Variants in ZNF33B observed in about 807,000 individuals in gnomAD.
ZNF33B encodes zinc finger protein 11b (KOX 2).
In ZNF33B, 29 loss-of-function variants were observed where a neutral mutation model predicts 45.8. The observed-to-expected ratio is 0.63, with a 90% confidence interval of 0.47 to 0.86. ZNF33B has a LOEUF of 0.86. Among genes scored for constraint, ZNF33B ranks in the 40% least tolerant of loss-of-function variants. ZNF33B has a pLI of 0.00. For synonymous variants in ZNF33B, 305 were observed against 307.8 expected, an observed-to-expected ratio of 0.99 and a Z score of 0.10; for missense variants, 831 against 909.9, an observed-to-expected ratio of 0.91 and a Z score of 1.12.
intron 4 of ZNF33B, among the ~76,000 whole-genome samples, chr10:42,616,256 AG>A (rs1247939485): frequency 1.3e-5 from 2 of 152,172 alleles, no homozygotes; most frequent in Non-Finnish European, 2.9e-5. Context: ...AAAATTTGTC[AG>A]GAAGGTTGCA....
In ZNF33B at chr10:42,612,233, ATTTTTTTTTTT is replaced by A. The variant is rs59259404; in HGVS notation, c.251-17545_251-17535del. On this transcript the variant is annotated intron_variant, in intron 4 of 4. Transcript: ENST00000359467. ...TTGACGTGGCAGGTTACAGAAGTTG[ATTTTTTTTTTT>A]TTTTTTTTTGAGACAGAGTCTTGCT... Among the ~76,000 whole-genome samples the A allele has an allele frequency of 2.5e-5, 3 of 119,338 alleles. No homozygotes were observed. In the South Asian group the frequency reaches 8.7e-4, roughly 35 times the overall value. 78.3% of individuals were successfully genotyped at this position (119,338 alleles called of 152,430 possible).
chr10:42,614,062 T>C (rs567526155), intron 4 of ZNF33B, among the ~76,000 whole-genome samples: 18 of 152,234 alleles, frequency 1.2e-4, no homozygotes, highest in East Asian at 5.8e-4. Flanking sequence ...ATATGGAAAA[T>C]AGGAAGAAGA....
At chr10:42,579,146 C>G (rs1343384210) in intron 1 of ZNF33B, among the ~76,000 whole-genome samples, 1 of 152,154 alleles carries the variant, frequency 6.6e-6, no homozygotes, top group Admixed American at 6.5e-5. Flanking sequence ...CATCATGGTT[C>G]ATCCTAATGA....
chr10:42,634,643 T>C (rs1327405618), intron 2 of ZNF33B, among the ~76,000 whole-genome samples: 1 of 152,088 alleles, frequency 6.6e-6, no homozygotes, highest in Non-Finnish European at 1.5e-5. Context: ...CACAGACATA[T>C]ATGTACACAT....
At chr10:42,586,814 T>C (rs887488650), downstream of ZNF33B, among the ~76,000 whole-genome samples, 1 of 152,212 alleles carries the variant, frequency 6.6e-6, no homozygotes, top group African/African-American at 2.4e-5. Flanking sequence ...AAGAGACATT[T>C]TGTCTTCATC....
At chr10:42,624,424 T>C (rs1308694596) in intron 4 of ZNF33B, among the ~76,000 whole-genome samples, 1 of 152,228 alleles carries the variant, frequency 6.6e-6, no homozygotes, top group Admixed American at 6.5e-5. Context: ...TATTAATATA[T>C]ACATACAGTA....
At chr10:42,606,143 A>C (rs1229341899) in intron 4 of ZNF33B, among the ~76,000 whole-genome samples, 1 of 129,040 alleles carries the variant, frequency 7.7e-6, no homozygotes, top group Non-Finnish European at 1.6e-5. Context: ...ATAATAAAGC[A>C]AAAAAAAAAA....
chr10:42,602,453 C>T (rs1837669367), intron 4 of ZNF33B, among the ~76,000 whole-genome samples: 1 of 152,038 alleles, frequency 6.6e-6, no homozygotes. Context: ...TGGTTAGTCT[C>T]TTTGAGAAAG....
intron 1 of ZNF33B, 116 bp from the exon 2 acceptor site, chr10:42,637,088 G>A: frequency 1.1e-6 from 1 of 916,034 alleles, no homozygotes; most frequent in Non-Finnish European, 1.7e-6. Context: ...CCGTCTGGGA[G>A]AATATCAATG....
rs191422681 is a variant in ZNF33B, at chr10:42,600,221, T to C, written c.251-5522A>G. Reference sequence around the variant, plus strand: ...AATATTTTATAAATGTCAATTAAGTTATTTAGGGTTAAGTCTATTATATCT... The same window carrying C: ...AATATTTTATAAATGTCAATTAAGTCATTTAGGGTTAAGTCTATTATATCT... On this transcript the variant is annotated intron_variant, in intron 4 of 4. Coordinates refer to ENST00000359467, the MANE Select transcript of ZNF33B (RefSeq NM_006955.3). Among the ~76,000 whole-genome samples the C allele has an allele frequency of 7.1e-4, 108 of 152,244 alleles. No individual in the cohort carries two copies. The Middle Eastern group carries it at 0.017, about 24-fold the overall frequency.
chr10:42,584,321 C>T (rs572411181), downstream of ZNF33B, among the ~76,000 whole-genome samples: 114 of 152,322 alleles, frequency 7.5e-4, no homozygotes, highest in African/African-American at 2.6e-3. Context: ...ACTCAGCCTC[C>T]TTCTGGTCAT....
intron 4 of ZNF33B, among the ~76,000 whole-genome samples, chr10:42,598,173 T>G (rs1184653353): frequency 2.6e-5 from 4 of 152,250 alleles, no homozygotes; most frequent in Admixed American, 6.5e-5. Flanking sequence ...AACTGCCTAG[T>G]GTGCCTTAAC....
intron 1 of ZNF33B, among the ~76,000 whole-genome samples, chr10:42,577,870 T>G (rs1366218498): frequency 6.6e-6 from 1 of 152,196 alleles, no homozygotes; most frequent in African/African-American, 2.4e-5. Context: ...CTGTTCCCAC[T>G]GAGGAGGCCT....
rs71505625 is a variant in ZNF33B at position 42,593,922 on chromosome 10, T to A, written c.1028A>T (p.His343Leu). 2,827 of 1,614,122 alleles carry A rather than the reference T, an allele frequency of 1.8e-3. 5 individuals are homozygous for A. Among genetic ancestry groups the A allele is most frequent in the Middle Eastern group, 2.8e-3 (17 of 6,062 alleles). The change falls in exon 5 of 5, where the codon CAT becomes CTT. Residue 343 changes from histidine (H) to leucine (L), a missense_variant. Coordinates refer to ENST00000359467, the MANE Select transcript of ZNF33B (RefSeq NM_006955.3). The part of the protein sequence containing the change: ...ECGKAFWEKS[H>L]LTRHQRVHTG... ...GTGCACCCTCTGATGTCGAGTGAGA[T>A]GTGACTTCTCCCAGAAAGCTTTCCC...
At chr10:42,596,723 A>T (rs1438555562) in intron 4 of ZNF33B, among the ~76,000 whole-genome samples, 1 of 152,122 alleles carries the variant, frequency 6.6e-6, no homozygotes, top group Non-Finnish European at 1.5e-5. Context: ...ACTTTTAAAA[A>T]TTGCAATTTC....
chr10:42,584,650 A>C (rs1836893950), downstream of ZNF33B, among the ~76,000 whole-genome samples: 1 of 151,968 alleles, frequency 6.6e-6, no homozygotes, highest in Non-Finnish European at 1.5e-5. Context: ...CCTCCCGAGT[A>C]GCTGGGATTA....
chr10:42,583,493 T>C, intron 1 of ZNF33B: 1 of 252,508 alleles, frequency 4.0e-6, no homozygotes. Flanking sequence ...TGAGAGTTCT[T>C]TGTTATGAGG....
Position 42,593,119 on chromosome 10 carries a change from A to T in ZNF33B, c.1831T>A (p.Cys611Ser), listed in dbSNP as rs1281553628. ...RTHTGEKPYE[C>S]NECGKTFCQK... ...CAGAAGGTTTTTCCACATTCATTAC[A>T]TTCATAGGGTTTCTCCCCTGTATGT... Residue 611 changes from cysteine (C) to serine (S), a missense_variant, in exon 5 of 5, where the codon TGT becomes AGT. Cys to Ser is a moderately radical substitution (Grantham distance 112, BLOSUM62 -1). Coordinates refer to ENST00000359467, the MANE Select transcript of ZNF33B (RefSeq NM_006955.3). The T allele has an allele frequency of 6.2e-7, 1 of 1,613,694 alleles. No individual in the cohort carries two copies. The highest frequency in any genetic ancestry group is 8.5e-7 in the Non-Finnish European group (1 of 1,179,962).
At chr10:42,625,186 C>G (rs1361092449) in intron 4 of ZNF33B, among the ~76,000 whole-genome samples, 1 of 151,986 alleles carries the variant, frequency 6.6e-6, no homozygotes, top group Non-Finnish European at 1.5e-5. Flanking sequence ...GGCCTACTTA[C>G]AAAGTTGAGT....
Sources: allele counts gnomAD v4.1 joint callset (sites outside exome capture counted in the v4.1 genomes callset), GRCh38; gene constraint gnomAD v4.1.1; transcripts MANE v1.5; gene names NCBI Gene and HGNC (gene_info 2026-07-23, HGNC 2026-07-21).